Variants in ALKBH3 observed in about 807,000 individuals in gnomAD.
The protein encoded by ALKBH3 is alpha-ketoglutarate-dependent dioxygenase alkB homolog 3.
In ALKBH3, 51 loss-of-function variants were observed where a neutral mutation model predicts 43.9. The observed-to-expected ratio is 1.16, with a 90% CI of 0.93 to 1.47. The LOEUF (loss-of-function observed/expected upper bound fraction) is 1.47, where lower values mean the gene tolerates loss of function less well. ALKBH3 is among the 40% of genes most tolerant of loss of function. ALKBH3 has a pLI of 0.00. For missense variants in ALKBH3, 361 were observed against 351.9 expected (o/e 1.03, Z -0.21); for synonymous variants, 102 against 115.2 (o/e 0.89, Z 0.73).
chr11:43,890,510 A>G (rs763378604), intron 6 of ALKBH3, among the ~76,000 whole-genome samples: 3 of 152,168 alleles, frequency 2.0e-5, no homozygotes, highest in Admixed American at 2.0e-4. Context: ...GTCCCTCAGT[A>G]TCCACAGGGG....
At position 43,889,692 on chromosome 11, in the gene ALKBH3, TTTTTTGG is replaced by T. The variant is rs765398799; in HGVS notation, c.267-30_267-24del. ...TAGAGTCTAACTTATCTTTTCCATG[TTTTTTGG>T]TTAACAATGTTCATTCTGCACCCAG... is the stretch of plus-strand genomic sequence containing the variant. On this transcript the variant is annotated intron_variant, in intron 5 of 9. Coordinates refer to ENST00000302708, the MANE Select transcript of ALKBH3 (RefSeq NM_139178.4). 4 of 1,576,168 alleles carry T rather than the reference TTTTTTGG, an allele frequency of 2.5e-6. No individual in the cohort carries two copies. The South Asian group carries it at 4.4e-5, about 17-fold the overall frequency.
At chr11:43,901,906 A>G (rs1437307749) in intron 8 of ALKBH3, among the ~76,000 whole-genome samples, 181 bp downstream of exon 8, 2 of 152,212 alleles carry the variant, frequency 1.3e-5, no homozygotes, top group African/African-American at 4.8e-5. Context: ...TCCTTCATTC[A>G]TTTACAAGTC....
At chr11:43,891,454 A>T (rs188199221) in intron 6 of ALKBH3, among the ~76,000 whole-genome samples, 1 of 152,196 alleles carries the variant, frequency 6.6e-6, no homozygotes, top group East Asian at 1.9e-4. Flanking sequence ...TATTATTATT[A>T]TTGTTCTTAT....
chr11:43,889,573 T>G, intron 5 of ALKBH3, 152 bp from the exon 6 acceptor site: 3 of 606,426 alleles, frequency 4.9e-6, no homozygotes. Context: ...ATGACCTGGG[T>G]GATGTTAGGC....
At chr11:43,891,387 G>C (rs1043795719) in intron 6 of ALKBH3, among the ~76,000 whole-genome samples, 1 of 152,122 alleles carries the variant, frequency 6.6e-6, no homozygotes, top group African/African-American at 2.4e-5. Context: ...ATGAGATAAC[G>C]CATGAGATTG....
intron 8 of ALKBH3, among the ~76,000 whole-genome samples, chr11:43,904,458 A>G (rs1411955052): frequency 1.3e-5 from 2 of 151,920 alleles, no homozygotes; most frequent in Non-Finnish European, 2.9e-5. Flanking sequence ...GAATATTAAT[A>G]TGTTTGAAAT....
chr11:43,889,156 T>C (rs1003083257), intron 5 of ALKBH3, among the ~76,000 whole-genome samples: 1 of 152,206 alleles, frequency 6.6e-6, no homozygotes, highest in Non-Finnish European at 1.5e-5. Flanking sequence ...GCCTCCCAAG[T>C]AGTTGGAACT....
At chr11:43,899,701 A>C in intron 7 of ALKBH3, 1 of 322,434 alleles carries the variant, frequency 3.1e-6, no homozygotes, top group Non-Finnish European at 5.8e-6. Context: ...GATGGTAAAC[A>C]TAGTCATTTC....
chr11:43,891,413 G>T (rs1951782964), intron 6 of ALKBH3, among the ~76,000 whole-genome samples: 1 of 152,160 alleles, frequency 6.6e-6, no homozygotes, highest in Non-Finnish European at 1.5e-5. Flanking sequence ...TACATAGTAA[G>T]CCTTCAGTGA....
intron 4 of ALKBH3, among the ~76,000 whole-genome samples, chr11:43,885,371 A>G (rs1214614937): frequency 7.9e-5 from 12 of 152,214 alleles, no homozygotes; most frequent in Non-Finnish European, 4.4e-5. Flanking sequence ...GGGAAACATT[A>G]TAGACGATGC....
intron 3 of ALKBH3, among the ~76,000 whole-genome samples, chr11:43,883,706 T>C (rs1199477151): frequency 2.0e-5 from 3 of 152,200 alleles, no homozygotes; most frequent in Non-Finnish European, 2.9e-5. Flanking sequence ...TAGCATATTT[T>C]CTATTTTAAA....
chr11:43,899,384 G>C, intron 7 of ALKBH3: 1 of 702,362 alleles, frequency 1.4e-6, no homozygotes, highest in Non-Finnish European at 2.7e-6. Context: ...TGATGTGCTC[G>C]CGTCCCTGCA....
chr11:43,918,788 T>A, intron 8 of ALKBH3: 1 of 428,708 alleles, frequency 2.3e-6, no homozygotes, highest in East Asian at 4.0e-5. Flanking sequence ...ACATATTCTA[T>A]CAATGGAGGC....
At chr11:43,898,581 CTTTG>C (rs890787949) in intron 7 of ALKBH3, 42 of 759,420 alleles carry the variant, frequency 5.5e-5, no homozygotes, top group Middle Eastern at 5.3e-4. Context: ...ATACAAAAGT[CTTTG>C]TTTGGCCTAT....
chr11:43,889,164 A>G (rs1488492057), intron 5 of ALKBH3, among the ~76,000 whole-genome samples: 1 of 152,180 alleles, frequency 6.6e-6, no homozygotes, highest in East Asian at 1.9e-4. Context: ...AGTAGTTGGA[A>G]CTACAGGCAT....
chr11:43,911,554 C>T (rs918456698), intron 8 of ALKBH3, among the ~76,000 whole-genome samples: 4 of 152,160 alleles, frequency 2.6e-5, no homozygotes, highest in Admixed American at 6.6e-5. Context: ...TTGGAATAAC[C>T]GCAATAGTAA....
chr11:43,889,070 C>T (rs1368702614), intron 5 of ALKBH3, among the ~76,000 whole-genome samples: 2 of 151,990 alleles, frequency 1.3e-5, no homozygotes, highest in Non-Finnish European at 2.9e-5. Context: ...CTGTTGTAGC[C>T]CAGGCTAGAG....
At chr11:43,887,090 A>AC (rs1951751548) in intron 5 of ALKBH3, among the ~76,000 whole-genome samples, 1 of 152,166 alleles carries the variant, frequency 6.6e-6, no homozygotes. Context: ...CTGCATATGT[A>AC]CCCCAAACTT....
chr11:43,889,486 C>T (rs906986318), intron 5 of ALKBH3, among the ~76,000 whole-genome samples: 2 of 152,166 alleles, frequency 1.3e-5, no homozygotes, highest in South Asian at 2.1e-4. Context: ...AAAGCCCTCA[C>T]CTATCATCCC....
Sources: allele counts gnomAD v4.1 joint callset (sites outside exome capture counted in the v4.1 genomes callset), GRCh38; gene constraint gnomAD v4.1.1; transcripts MANE v1.5; gene names NCBI Gene and HGNC (gene_info 2026-07-23, HGNC 2026-07-21).